Variants in QTMAN observed in about 807,000 individuals in gnomAD.
QTMAN encodes the protein tRNA-queuosine alpha-mannosyltransferase.
At chr2:144,103,325 G>A in the QTMAN span, among the ~76,000 whole-genome samples, 163 of 152,310 alleles carry the variant, frequency 1.1e-3, no homozygotes, top group African/African-American at 3.8e-3. Context: ...AGGGAGGATC[G>A]CCATGTGAAA....
the QTMAN span, among the ~76,000 whole-genome samples, chr2:144,044,289 T>C: frequency 4.6e-5 from 7 of 152,202 alleles, no homozygotes; most frequent in African/African-American, 9.7e-5. Context: ...TTTTGCCCTA[T>C]AGCATGCAAG....
At chr2:143,944,377 A>C in the QTMAN span, 4 of 152,294 alleles carry the variant, frequency 2.6e-5, no homozygotes, top group African/African-American at 9.6e-5. Flanking sequence ...TTAAACTCCA[A>C]ATCTCGGTAT....
chr2:144,248,322 A>G, the QTMAN span, among the ~76,000 whole-genome samples: 1 of 152,248 alleles, frequency 6.6e-6, no homozygotes, highest in African/African-American at 2.4e-5. Context: ...GAACAAAACA[A>G]TGAAATATAC....
chr2:144,268,524 A>G, the QTMAN span, among the ~76,000 whole-genome samples: 1 of 152,062 alleles, frequency 6.6e-6, no homozygotes, highest in Non-Finnish European at 1.5e-5. Flanking sequence ...GCCATCTGCT[A>G]ACCAGGAAGC....
chr2:144,176,361 T>C, the QTMAN span, among the ~76,000 whole-genome samples: 1 of 152,134 alleles, frequency 6.6e-6, no homozygotes, highest in Non-Finnish European at 1.5e-5. Flanking sequence ...ATGAACTTTT[T>C]TTACTCTAAT....
the QTMAN span, among the ~76,000 whole-genome samples, chr2:144,262,613 GATAGGAGAGGAA>G: frequency 9.5e-6 from 1 of 105,082 alleles, no homozygotes; most frequent in African/African-American, 3.5e-5. Flanking sequence ...GGGGAGGGGA[GATAGGAGAGGAA>G]GGGAGGGGAG....
chr2:144,109,415 A>C, the QTMAN span, among the ~76,000 whole-genome samples: 2 of 152,218 alleles, frequency 1.3e-5, no homozygotes, highest in Non-Finnish European at 2.9e-5. Flanking sequence ...TAAAGACTTA[A>C]ATGTTAGACC....
At chr2:144,112,215 C>G in the QTMAN span, among the ~76,000 whole-genome samples, 1 of 152,160 alleles carries the variant, frequency 6.6e-6, no homozygotes, top group Admixed American at 6.5e-5. Context: ...GACACAAGTA[C>G]CAAGAGCTCC....
the QTMAN span, among the ~76,000 whole-genome samples, chr2:143,996,838 T>C: frequency 6.6e-6 from 1 of 152,118 alleles, no homozygotes; most frequent in African/African-American, 2.4e-5. Context: ...GAGTTGCACA[T>C]TTCTTTTGGT....
chr2:144,106,568 T>C, the QTMAN span, among the ~76,000 whole-genome samples: 1 of 152,178 alleles, frequency 6.6e-6, no homozygotes, highest in South Asian at 2.1e-4. Context: ...ATCCTAAACA[T>C]ATATGCACCC....
the QTMAN span, among the ~76,000 whole-genome samples, chr2:144,276,080 C>A: frequency 6.6e-6 from 1 of 151,840 alleles, no homozygotes; most frequent in Admixed American, 6.6e-5. Flanking sequence ...GTGTATGTCC[C>A]CAAGGGGTCC....
chr2:143,952,178 C>T, the QTMAN span: 14 of 688,660 alleles, frequency 2.0e-5, no homozygotes, highest in African/African-American at 9.0e-5. Flanking sequence ...TGTGCCGCCT[C>T]GTGTTTTACA....
chr2:143,970,473 C>G, the QTMAN span, among the ~76,000 whole-genome samples: 1 of 151,674 alleles, frequency 6.6e-6, no homozygotes, highest in African/African-American at 2.4e-5. Flanking sequence ...CAACTTAAAT[C>G]AAAGAATGCT....
chr2:144,224,742 A>C, the QTMAN span, among the ~76,000 whole-genome samples: 1 of 152,214 alleles, frequency 6.6e-6, no homozygotes, highest in Non-Finnish European at 1.5e-5. Flanking sequence ...ATGTGCAAAA[A>C]GTAGGAAGCT....
the QTMAN span, among the ~76,000 whole-genome samples, chr2:144,265,635 G>A: frequency 6.6e-6 from 1 of 152,112 alleles, no homozygotes; most frequent in African/African-American, 2.4e-5. Context: ...GGCGGAGGTT[G>A]CAGTGAGCCG....
the QTMAN span, among the ~76,000 whole-genome samples, chr2:144,251,370 C>T: frequency 1.3e-5 from 2 of 151,982 alleles, no homozygotes; most frequent in African/African-American, 4.8e-5. Context: ...GAAATAGACG[C>T]ACACAAATAT....
chr2:144,091,308 T>C, the QTMAN span, among the ~76,000 whole-genome samples: 1 of 152,164 alleles, frequency 6.6e-6, no homozygotes, highest in Non-Finnish European at 1.5e-5. Context: ...AAAATCTAAA[T>C]GTAAAACATC....
the QTMAN span, among the ~76,000 whole-genome samples, chr2:143,951,686 A>G: frequency 6.6e-6 from 1 of 151,480 alleles, no homozygotes; most frequent in Non-Finnish European, 1.5e-5. Context: ...AATGAGTTAC[A>G]TTAATTCAGG....
At chr2:144,116,343 T>G in the QTMAN span, among the ~76,000 whole-genome samples, 5 of 151,790 alleles carry the variant, frequency 3.3e-5, no homozygotes, top group Non-Finnish European at 7.4e-5. Context: ...GGTGTGTGTG[T>G]GTGCATGTGT....
Sources: allele counts gnomAD v4.1 joint callset (sites outside exome capture counted in the v4.1 genomes callset), GRCh38; gene constraint gnomAD v4.1.1; transcripts MANE v1.5; gene names NCBI Gene and HGNC (gene_info 2026-07-23, HGNC 2026-07-21).